Variants in KLF8 observed in about 807,000 individuals in gnomAD.
KLF8 encodes the protein Krueppel-like factor 8.
KLF8 carries 10 observed loss-of-function variants against 18.2 expected under a neutral mutation model. The ratio of observed to expected loss-of-function variants is 0.55; its 90% CI spans 0.34 to 0.93. The LOEUF (loss-of-function observed/expected upper bound fraction) is 0.93. Among genes scored for constraint, KLF8 ranks in the 40% least tolerant of loss-of-function variants. The pLI is 0.02. For missense variants in KLF8, 264 were observed against 277.9 expected (o/e 0.95, Z 0.36); for synonymous variants, 109 against 97.3 (o/e 1.12, Z -0.71).
the KLF8 span, among the ~76,000 whole-genome samples, chrX:55,975,064 A>T: frequency 8.9e-6 from 1 of 112,177 alleles, no homozygotes; most frequent in Non-Finnish European, 1.9e-5. Flanking sequence ...AAAAACAATC[A>T]GTATGATACA....
intron 2 of KLF8, among the ~76,000 whole-genome samples, chrX:56,253,126 G>A (rs189072003): frequency 8.9e-6 from 1 of 111,946 alleles, no homozygotes; most frequent in East Asian, 2.8e-4. Flanking sequence ...TTGTCAGATG[G>A]GTAGTTTACA....
chrX:56,121,457 G>A, the KLF8 span, among the ~76,000 whole-genome samples: 1 of 112,061 alleles, frequency 8.9e-6, no homozygotes, highest in African/African-American at 3.2e-5. Flanking sequence ...ATTGCTTTTG[G>A]ACTTATATCC....
chrX:56,083,484 A>G, the KLF8 span, among the ~76,000 whole-genome samples: 1 of 112,332 alleles, frequency 8.9e-6, no homozygotes, highest in East Asian at 2.8e-4. Flanking sequence ...TACCTTGAAA[A>G]TAAAGCTTTT....
rs2067262675 is a variant in KLF8 at position 56,285,854 on chromosome X, G to A, written c.*1360G>A. ...TATTTCCTTTCTGGGGTCAGGGGTA[G>A]GGGAGGGGGCTTTGCATCACTTGAA... On this transcript the variant is annotated 3_prime_UTR_variant, in exon 6 of 6. Transcript: ENST00000468660. 9.0e-6 allele frequency: 1 copy of A among 111,475 alleles called. No individual in the cohort carries two copies. The highest frequency in any genetic ancestry group is 1.9e-5 in the Non-Finnish European group (1 of 53,108). 9.2% of individuals were successfully genotyped at this position (111,475 alleles called of 1,213,427 possible).
At chrX:56,157,012 A>G in the KLF8 span, among the ~76,000 whole-genome samples, 1 of 108,797 alleles carries the variant, frequency 9.2e-6, no homozygotes, top group Non-Finnish European at 1.9e-5. Flanking sequence ...AGACTGGATT[A>G]AGAAAATGTG....
chrX:55,921,440 T>G, the KLF8 span, among the ~76,000 whole-genome samples: 2 of 112,057 alleles, frequency 1.8e-5, no homozygotes, highest in South Asian at 7.4e-4. Context: ...TTGGTTACTA[T>G]CGGCTGTAGT....
At chrX:56,272,727 G>A (rs1162985192) in intron 5 of KLF8, among the ~76,000 whole-genome samples, 2 of 111,025 alleles carry the variant, frequency 1.8e-5, no homozygotes, top group East Asian at 2.8e-4. Context: ...TATTGTAATA[G>A]GCCTTTCCTC....
At chrX:56,266,567 T>C (rs1486501337) in intron 3 of KLF8, 7 of 744,661 alleles carry the variant, frequency 9.4e-6, no homozygotes, top group Non-Finnish European at 1.1e-5. Flanking sequence ...TTCCATTTTA[T>C]TTTATTTTTA....
At chrX:55,969,576 G>A in the KLF8 span, among the ~76,000 whole-genome samples, 1 of 111,196 alleles carries the variant, frequency 9.0e-6, no homozygotes, top group Non-Finnish European at 1.9e-5. Flanking sequence ...CCCAAAATTA[G>A]TAGAAGAGAT....
At chrX:56,179,686 A>T in the KLF8 span, among the ~76,000 whole-genome samples, 1 of 111,882 alleles carries the variant, frequency 8.9e-6, no homozygotes, top group Non-Finnish European at 1.9e-5. Context: ...ATTTATTGAG[A>T]GTTTTTAGCA....
the KLF8 span, among the ~76,000 whole-genome samples, chrX:56,151,407 T>G: frequency 1.1e-3 from 126 of 111,582 alleles, 1 homozygote; most frequent in African/African-American, 3.9e-3. Flanking sequence ...GTATATTGGA[T>G]TAAAGTAGAA....
chrX:56,151,290 T>C, the KLF8 span, among the ~76,000 whole-genome samples: 1 of 111,509 alleles, frequency 9.0e-6, no homozygotes, highest in African/African-American at 3.3e-5. Flanking sequence ...CTTAACAGAA[T>C]CACTCTGGCT....
the KLF8 span, among the ~76,000 whole-genome samples, chrX:56,163,415 G>A: frequency 3.6e-5 from 4 of 111,520 alleles, no homozygotes; most frequent in Non-Finnish European, 7.5e-5. Context: ...GCCTTTTTAT[G>A]CCCTTTGCCC....
the KLF8 span, among the ~76,000 whole-genome samples, chrX:56,170,212 AG>A: frequency 9.0e-6 from 1 of 110,519 alleles, no homozygotes; most frequent in Non-Finnish European, 1.9e-5. Context: ...TTTCCCAAGC[AG>A]GAAGGGTATA....
the KLF8 span, among the ~76,000 whole-genome samples, chrX:56,163,075 A>G: frequency 8.9e-6 from 1 of 112,179 alleles, no homozygotes; most frequent in Non-Finnish European, 1.9e-5. Context: ...GTGTCTTTAT[A>G]ATATAATCAT....
chrX:56,079,456 G>A, the KLF8 span, among the ~76,000 whole-genome samples: 14,085 of 111,189 alleles, frequency 0.13, 1,611 homozygotes, highest in African/African-American at 0.37. Context: ...GTGGTTTTGC[G>A]TGAGATTCTT....
chrX:56,151,852 A>C, the KLF8 span, among the ~76,000 whole-genome samples: 1 of 111,638 alleles, frequency 9.0e-6, no homozygotes, highest in African/African-American at 3.3e-5. Context: ...AAAAGAGAAA[A>C]GGGCCTAAAA....
At chrX:55,942,444 A>C in the KLF8 span, among the ~76,000 whole-genome samples, 1 of 110,350 alleles carries the variant, frequency 9.1e-6, no homozygotes, top group African/African-American at 3.3e-5. Context: ...GGTGCAGCAC[A>C]CCAACATTGC....
chrX:56,160,957 G>A, the KLF8 span, among the ~76,000 whole-genome samples: 8 of 111,072 alleles, frequency 7.2e-5, no homozygotes, highest in Non-Finnish European at 3.8e-5. Context: ...TATTTTGCTC[G>A]TTAGTTGATG....
Sources: gnomAD v4.1 joint callset for allele counts (sites outside exome capture counted in the v4.1 genomes callset) on GRCh38, gnomAD v4.1.1 for gene constraint, MANE v1.5 for transcripts, NCBI Gene and HGNC (gene_info 2026-07-23, HGNC 2026-07-21) for gene names.